The following MLPH variants were observed in gnomAD, a reference collection of about 807,000 sequenced individuals.
MLPH encodes exophilin-3.
In MLPH, 51 loss-of-function variants were observed where a neutral mutation model predicts 72.1. The ratio of observed to expected loss-of-function variants is 0.71; its 90% confidence interval spans 0.56 to 0.89. MLPH has a LOEUF of 0.89. MLPH is among the 40% of genes least tolerant of loss of function. MLPH has a pLI of 0.00. For synonymous variants in MLPH, 301 were observed against 310.1 expected, an observed-to-expected ratio of 0.97 and a Z score of 0.31; for missense variants, 743 against 759.9, an observed-to-expected ratio of 0.98 and a Z score of 0.26.
At chr2:237,525,983 C>T (rs1358069727) in intron 7 of MLPH, among the ~76,000 whole-genome samples, 178 bp downstream of exon 7, 2 of 152,222 alleles carry the variant, frequency 1.3e-5, no homozygotes, top group Non-Finnish European at 2.9e-5. Context: ...CTGCCGTCCC[C>T]GGGACCGGGA....
At chr2:237,520,071 C>T (rs2106324156) in intron 6 of MLPH, 42 bp downstream of exon 6, 1 of 1,613,342 alleles carries the variant, frequency 6.2e-7, no homozygotes. Flanking sequence ...CTCCCAGGAA[C>T]CTGAGTGGCA....
chr2:237,535,254 C>T (rs1409008578), intron 9 of MLPH, among the ~76,000 whole-genome samples: 1 of 152,024 alleles, frequency 6.6e-6, no homozygotes, highest in Non-Finnish European at 1.5e-5. Flanking sequence ...TTATAACAAC[C>T]ACCCTGGAAT....
At chr2:237,493,763 C>G (rs1023556852) in intron 2 of MLPH, among the ~76,000 whole-genome samples, 1 of 152,222 alleles carries the variant, frequency 6.6e-6, no homozygotes, top group Non-Finnish European at 1.5e-5. Context: ...TTTATTTCAA[C>G]TTGACCCAGC....
Position 237,542,666 on chromosome 2 carries a change from G to GGGGGGCAGTGGTGAGT in MLPH, c.1539+10_1539+25dup, listed in dbSNP as rs1559372625. ...GAGGAAGTCAAACCTCCCGGTGAGT[G>GGGGGGCAGTGGTGAGT]GGGGGCAGTGGTGAGTGGAGACAGT... On this transcript the variant is annotated splice_region_variant and intron_variant, in intron 12 of 15. Transcript: ENST00000264605. The GGGGGGCAGTGGTGAGT allele has an allele frequency of 6.4e-7, 1 of 1,556,850 alleles. No individual in the cohort carries two copies. The highest frequency in any genetic ancestry group is 1.4e-5 in the African/African-American group (1 of 73,230).
intron 4 of MLPH, among the ~76,000 whole-genome samples, chr2:237,516,018 C>T (rs560223363): frequency 1.3e-5 from 2 of 152,358 alleles, no homozygotes; most frequent in South Asian, 2.1e-4. Flanking sequence ...CACCCGCAGT[C>T]CTGCTTCCCT....
intron 6 of MLPH, among the ~76,000 whole-genome samples, chr2:237,523,712 T>C (rs1294262665): frequency 1.3e-5 from 2 of 152,210 alleles, no homozygotes; most frequent in Non-Finnish European, 2.9e-5. Context: ...TGTGTTGTGA[T>C]TAGCATATAT....
At chr2:237,488,497 A>G (rs1648897595) in intron 1 of MLPH, among the ~76,000 whole-genome samples, 1 of 152,048 alleles carries the variant, frequency 6.6e-6, no homozygotes. Flanking sequence ...TGACCTCAGT[A>G]AGGCCTCAGC....
intron 4 of MLPH, chr2:237,518,113 AGGAGGGAT>A (rs1218995050): frequency 1.9e-5 from 6 of 317,536 alleles, no homozygotes; most frequent in East Asian, 1.7e-4. Flanking sequence ...GGGTGGATGA[AGGAGGGAT>A]GGAGGGATGG....
intron 14 of MLPH, chr2:237,552,016 T>TCAA (rs199806178): frequency 0.011 from 2,353 of 217,414 alleles, 18 homozygotes; most frequent in Middle Eastern, 0.025. Context: ...GAAAAGAAAG[T>TCAA]CAAGGAAATG....
In MLPH at chr2:237,510,433, A is replaced by C. The variant is rs962588561; in HGVS notation, c.111-141A>C. On this transcript the variant is annotated intron_variant, in intron 2 of 15. Transcript: ENST00000264605. The surrounding 1 kb of genome is among the most constrained non-coding windows in gnomAD (Gnocchi z 4.4). ...GTGTGGCTTTGCCCAACGTTGGGTCACTGTTTTCTGCATAGGAGACAGTTA... is the reference window on the plus strand; with the variant it reads ...GTGTGGCTTTGCCCAACGTTGGGTCCCTGTTTTCTGCATAGGAGACAGTTA... 1.1e-6 allele frequency: 1 copy of C among 897,650 alleles called. No individual in the cohort carries two copies. Among genetic ancestry groups the C allele is most frequent in the African/African-American group, 1.7e-5 (1 of 60,514 alleles). The allele number at this position is 897,650 out of a possible 1,614,324, so 55.6% of individuals were successfully genotyped here.
intron 8 of MLPH, among the ~76,000 whole-genome samples, chr2:237,530,254 T>G (rs968258045): frequency 6.6e-6 from 1 of 152,176 alleles, no homozygotes; most frequent in Non-Finnish European, 1.5e-5. Context: ...TTCCGAGCCC[T>G]CATTCAGCAG....
chr2:237,509,810 G>A (rs927559971), intron 2 of MLPH, among the ~76,000 whole-genome samples: 97 of 152,094 alleles, frequency 6.4e-4, no homozygotes, highest in African/African-American at 2.2e-3. Context: ...CTGCACTCTG[G>A]GTGTCCGCCT....
intron 2 of MLPH, among the ~76,000 whole-genome samples, chr2:237,497,767 T>C (rs931363241): frequency 3.3e-5 from 5 of 152,254 alleles, no homozygotes; most frequent in Non-Finnish European, 5.9e-5. Context: ...AATTTCAACA[T>C]GAACAGTCAT....
chr2:237,542,513 G>C (rs1251257242), intron 11 of MLPH, 54 bp from the exon 12 acceptor site: 2 of 1,413,362 alleles, frequency 1.4e-6, no homozygotes, highest in East Asian at 2.4e-5. Context: ...ATGACTTTGA[G>C]GCGGGATCTC....
Position 237,534,655 on chromosome 2 carries a change from T to A in MLPH, c.1104+8T>A, listed in dbSNP as rs767841856. 6.2e-7 allele frequency: 1 copy of A among 1,612,426 alleles called. No homozygotes were observed. ...GTGCCTCCCTTGGCCAAGGTAACAC[T>A]GGGGGCTGGGCAAAGAGAAAGGGCC... is the stretch of plus-strand genomic sequence containing the variant. On this transcript the variant is annotated splice_region_variant and intron_variant, in intron 9 of 15. Transcript: ENST00000264605.
chr2:237,510,909 G>GCA lies in MLPH; in HGVS notation c.333-80_333-79insCA. 6.7e-7 allele frequency: 1 copy of GCA among 1,486,722 alleles called. No individual in the cohort carries two copies. Among genetic ancestry groups the GCA allele is most frequent in the Non-Finnish European group, 9.4e-7 (1 of 1,065,340 alleles). 92.1% of individuals were successfully genotyped at this position (1,486,722 alleles called of 1,614,324 possible). The stretch of plus-strand genomic sequence containing the variant: ...CACACATGCACACACTCGTGTGTGT[G>GCA]TGTGTGTGTGTGTGTGAGATTTATG... On this transcript the variant is annotated intron_variant, in intron 3 of 15. Transcript: ENST00000264605. This position sits in a 1 kb window ranked among gnomAD's most constrained non-coding sequence, Gnocchi z 4.4.
chr2:237,528,316 AAAT>A (rs143871094), intron 8 of MLPH, among the ~76,000 whole-genome samples: 25,162 of 151,936 alleles, frequency 0.17, 2,317 homozygotes, highest in African/African-American at 0.23. Context: ...ATTTAGGAGA[AAAT>A]AAATAATCTT....
At chr2:237,525,199 G>A (rs1158188882) in intron 6 of MLPH, among the ~76,000 whole-genome samples, 1 of 152,172 alleles carries the variant, frequency 6.6e-6, no homozygotes, top group Non-Finnish European at 1.5e-5. Context: ...AGATTAAGGT[G>A]TACATAGTTA....
chr2:237,514,873 G>C (rs1574855893), intron 4 of MLPH, among the ~76,000 whole-genome samples: 1 of 152,204 alleles, frequency 6.6e-6, no homozygotes, highest in African/African-American at 2.4e-5. Flanking sequence ...CGGTCCCCTT[G>C]ACTCACCCCA....
Sources: allele counts gnomAD v4.1 joint callset (sites outside exome capture counted in the v4.1 genomes callset), GRCh38; gene constraint gnomAD v4.1.1; non-coding constraint Gnocchi (gnomAD v3.1); transcripts MANE v1.5; gene names NCBI Gene and HGNC (gene_info 2026-07-23, HGNC 2026-07-21).